The following KLB variants were observed in gnomAD, a reference collection of about 807,000 sequenced individuals.
KLB encodes the protein beta-klotho.
A neutral mutation model predicts 88.4 loss-of-function variants in KLB; 44 were observed. The ratio of observed to expected loss-of-function variants is 0.50; its 90% CI spans 0.39 to 0.64. The LOEUF (loss-of-function observed/expected upper bound fraction) is 0.64. Ranked by LOEUF, KLB falls within the 30% of genes least tolerant of loss-of-function variation. The probability of loss-of-function intolerance (pLI) is 0.00; values close to 1 mark genes in which losing one functional copy is unlikely to be tolerated. For missense variants in KLB, 1,137 were observed against 1,304.8 expected, an observed-to-expected ratio of 0.87 and a Z score of 1.98; for synonymous variants, 548 against 513.4, an observed-to-expected ratio of 1.07 and a Z score of -0.91.
Position 39,434,338 on chromosome 4 carries a change from A to G in KLB, c.954A>G (p.Lys318=), listed in dbSNP as rs764506610. 2.5e-6 allele frequency: 4 copies of G among 1,614,198 alleles called. No homozygotes were observed. The Admixed American group carries it at 6.7e-5, about 27-fold the overall frequency. ...CGGAAAACACGATGGATATATTCAA[A>G]TGTCAACAATCCATGGTTTCTGTGC... ...NRSENTMDIF[K]CQQSMVSVLG... The change falls in exon 2 of 5, where the codon AAA becomes AAG. Residue 318 remains lysine (K), a synonymous_variant. Transcript: ENST00000257408.
chr4:39,447,020 T>A lies in KLB; in HGVS notation c.2294T>A (p.Leu765Gln), dbSNP rs899102293. Residue 765 changes from leucine to glutamine, a missense_variant, in exon 4 of 5, where the codon CTG becomes CAG. By Grantham distance (113) the Leu-to-Gln change is moderately radical (BLOSUM62 -2). Coordinates refer to ENST00000257408, the MANE Select transcript of KLB (RefSeq NM_175737.4). ...CACTGGAGGGCGGCCGAGCGCTTCC[T>A]GCAGTTCGAGATCGCCTGGTTCGCC... ...DSHWRAAERF[L>Q]QFEIAWFAEP... 3 of 1,611,202 alleles carry A rather than the reference T, an allele frequency of 1.9e-6. No homozygotes were observed. Among genetic ancestry groups the A allele is most frequent in the African/African-American group, 2.7e-5 (2 of 74,918 alleles).
chr4:39,424,626 G>GTTTCTT (rs1196419771), intron 1 of KLB, among the ~76,000 whole-genome samples: 4 of 151,200 alleles, frequency 2.6e-5, no homozygotes, highest in East Asian at 1.9e-4. Context: ...CTCCATGGTG[G>GTTTCTT]TTTCTTTTTC....
At chr4:39,424,536 T>C (rs775502662) in intron 1 of KLB, among the ~76,000 whole-genome samples, 12 of 151,818 alleles carry the variant, frequency 7.9e-5, no homozygotes, top group Admixed American at 6.5e-4. Flanking sequence ...TAAAGCTTCA[T>C]TAGGCTCACA....
chr4:39,414,892 C>G (rs1279087758), intron 1 of KLB, among the ~76,000 whole-genome samples: 1 of 142,688 alleles, frequency 7.0e-6, no homozygotes, highest in African/African-American at 2.6e-5. Context: ...AAAAAAAAAG[C>G]AAAATTCAAC....
intron 1 of KLB, among the ~76,000 whole-genome samples, chr4:39,429,742 T>A (rs1054524717): frequency 1.3e-5 from 2 of 152,188 alleles, no homozygotes; most frequent in Admixed American, 1.3e-4. Flanking sequence ...CCAACAGATC[T>A]CCTTTATGAG....
At chr4:39,441,784 A>AAATAAATC (rs1743602508) in intron 3 of KLB, 2 of 150,940 alleles carry the variant, frequency 1.3e-5, no homozygotes, top group African/African-American at 4.9e-5. Flanking sequence ...ATAAATAAAT[A>AAATAAATC]AATAAATAAA....
intron 1 of KLB, among the ~76,000 whole-genome samples, chr4:39,429,106 C>T (rs1743282905): frequency 6.6e-6 from 1 of 152,202 alleles, no homozygotes; most frequent in African/African-American, 2.4e-5. Context: ...TTTAAATAAA[C>T]TTTCTTTAAC....
chr4:39,406,985 T>G lies in KLB; in HGVS notation c.36T>G (p.Asn12Lys), dbSNP rs1247434442. The G allele has an allele frequency of 6.2e-7, 1 of 1,612,822 alleles. No homozygotes were observed. Among genetic ancestry groups the G allele is most frequent in the Non-Finnish European group, 8.5e-7 (1 of 1,179,004 alleles). The change falls in exon 1 of 5, where the codon AAT (asparagine) becomes AAG (lysine). Residue 12 changes from asparagine to lysine, a missense_variant. By Grantham distance (94) the Asn-to-Lys change is moderately conservative. Around this residue, in one of 4 missense-constraint regions of KLB, gnomAD observed 111 missense variants for 118.3 expected, o/e 0.94. Coordinates refer to ENST00000257408, the MANE Select transcript of KLB (RefSeq NM_175737.4). ...GCTGTGCGGCAGGATCTCCAGGGAA[T>G]GAATGGATTTTCTTCAGCACTGATG... The part of the protein sequence containing the change: ...KPGCAAGSPG[N>K]EWIFFSTDEI...
At position 39,446,100 on chromosome 4, in the gene KLB, A is replaced by C. The variant is rs1347258927; in HGVS notation, c.1606-232A>C. Among the ~76,000 whole-genome samples the C allele has an allele frequency of 6.6e-6, 1 of 152,226 alleles. No individual in the cohort carries two copies. The highest frequency in any genetic ancestry group is 1.5e-5 in the Non-Finnish European group (1 of 68,036). On this transcript the variant is annotated intron_variant, in intron 3 of 4. Transcript: ENST00000257408. This position sits in a 1 kb window ranked among gnomAD's most constrained non-coding sequence, Gnocchi z 6.4. ...CATATATAACCTAGGGTTTAAAGTT[A>C]AATGAACTGGAAAATGGCTTCCCAA...
chr4:39,425,882 C>T (rs1743197132), intron 1 of KLB, among the ~76,000 whole-genome samples: 1 of 152,068 alleles, frequency 6.6e-6, no homozygotes, highest in African/African-American at 2.4e-5. Flanking sequence ...CTTTGGGAGG[C>T]TGAGGCGGGC....
intron 1 of KLB, among the ~76,000 whole-genome samples, chr4:39,409,144 G>C (rs1742787253): frequency 6.6e-6 from 1 of 151,884 alleles, no homozygotes; most frequent in Non-Finnish European, 1.5e-5. Flanking sequence ...TTTGACTAGA[G>C]TTGTATATAG....
chr4:39,433,870 A>T (rs1743414563), intron 1 of KLB, among the ~76,000 whole-genome samples: 1 of 152,150 alleles, frequency 6.6e-6, no homozygotes, highest in African/African-American at 2.4e-5. Context: ...AAAATAAAAT[A>T]AAAATAAAAA....
intron 1 of KLB, among the ~76,000 whole-genome samples, chr4:39,418,958 A>G (rs963217449): frequency 9.9e-5 from 15 of 150,914 alleles, no homozygotes; most frequent in African/African-American, 3.5e-4. Flanking sequence ...AAAAAAAAAA[A>G]AAAGAAAAAA....
At chr4:39,407,978 T>C (rs1199661626) in intron 1 of KLB, among the ~76,000 whole-genome samples, 4 of 152,226 alleles carry the variant, frequency 2.6e-5, no homozygotes, top group African/African-American at 9.6e-5. Context: ...CAATTAGTTT[T>C]TTCAAAAGTT....
chr4:39,414,304 G>GAAA (rs10582036), intron 1 of KLB, among the ~76,000 whole-genome samples: 1 of 137,690 alleles, frequency 7.3e-6, no homozygotes, highest in African/African-American at 2.7e-5. Context: ...ACTGTTTTTA[G>GAAA]AAAAAAAAAA....
intron 1 of KLB, among the ~76,000 whole-genome samples, chr4:39,425,327 A>T (rs1743181822): frequency 6.6e-6 from 1 of 152,250 alleles, no homozygotes; most frequent in South Asian, 2.1e-4. Flanking sequence ...AGAATTCTTT[A>T]ACAGGACATT....
At position 39,447,137 on chromosome 4, in the gene KLB, C is replaced by A; in HGVS notation, c.2411C>A (p.Pro804Gln). 6.2e-7 allele frequency: 1 copy of A among 1,613,610 alleles called. No individual in the cohort carries two copies. The highest frequency in any genetic ancestry group is 8.5e-7 in the Non-Finnish European group (1 of 1,180,020). Reference protein sequence around the residue: ...HRRGLSSSALPRLTEAERRLL... With the variant: ...HRRGLSSSALQRLTEAERRLL... ...CGGGGGCTTTCCAGCTCGGCCCTGCCGCGCCTCACCGAGGCCGAAAGGAGG... is the reference window on the plus strand; with the variant it reads ...CGGGGGCTTTCCAGCTCGGCCCTGCAGCGCCTCACCGAGGCCGAAAGGAGG... Residue 804 changes from proline (P) to glutamine (Q), a missense_variant, in exon 4 of 5, where the codon CCG becomes CAG. Physicochemically the swap from Pro to Gln is moderately conservative, Grantham distance 76. Coordinates refer to ENST00000257408, the MANE Select transcript of KLB (RefSeq NM_175737.4).
At chr4:39,413,707 C>T (rs1742908360) in intron 1 of KLB, among the ~76,000 whole-genome samples, 1 of 149,450 alleles carries the variant, frequency 6.7e-6, no homozygotes, top group African/African-American at 2.5e-5. Flanking sequence ...CTGGGTGACA[C>T]AGCAAAAACC....
chr4:39,446,480 A>G lies in KLB; in HGVS notation c.1754A>G (p.Gln585Arg), dbSNP rs753982623. ...ACAGATTTTGTAAACATCAAAAAACAACTTGAGATGTTGGCAAGAATGAAA... is the reference window on the plus strand; with the variant it reads ...ACAGATTTTGTAAACATCAAAAAACGACTTGAGATGTTGGCAAGAATGAAA... ...QCTDFVNIKK[Q>R]LEMLARMKVT... Residue 585 changes from glutamine to arginine, a missense_variant, in exon 4 of 5, where the codon CAA (glutamine) becomes CGA (arginine). Gln to Arg is a conservative substitution (Grantham distance 43). Transcript: ENST00000257408. This position sits in a 1 kb window ranked among gnomAD's most constrained non-coding sequence, Gnocchi z 6.4. The G allele has an allele frequency of 6.2e-7, 1 of 1,614,230 alleles. No individual in the cohort carries two copies. Among genetic ancestry groups the G allele is most frequent in the Non-Finnish European group, 8.5e-7 (1 of 1,180,040 alleles).
Sources: allele counts gnomAD v4.1 joint callset (sites outside exome capture counted in the v4.1 genomes callset), GRCh38; gene constraint gnomAD v4.1.1; regional missense constraint gnomAD v4.1.1; non-coding constraint Gnocchi (gnomAD v3.1); transcripts MANE v1.5; gene names NCBI Gene and HGNC (gene_info 2026-07-23, HGNC 2026-07-21).